The following PSMD1 variants were observed in gnomAD, a reference collection of about 807,000 sequenced individuals.
PSMD1 encodes the protein 26S proteasome non-ATPase regulatory subunit 1.
Under a neutral mutation model 119.0 loss-of-function variants are expected in PSMD1, and 18 were observed. The ratio of observed to expected loss-of-function variants is 0.15; its 90% confidence interval spans 0.10 to 0.22. The LOEUF (loss-of-function observed/expected upper bound fraction) is 0.22. Ranked by LOEUF, PSMD1 falls within the 10% of genes least tolerant of loss-of-function variation. The probability of loss-of-function intolerance (pLI) is 1.00; values close to 1 mark genes in which losing one functional copy is unlikely to be tolerated. For synonymous variants in PSMD1, 374 were observed against 396.6 expected, an observed-to-expected ratio of 0.94 and a Z score of 0.68; for missense variants, 702 against 1,158.5, an observed-to-expected ratio of 0.61 and a Z score of 5.72.
In PSMD1 at chr2:231,165,931, T is replaced by C. The variant is rs753032943; in HGVS notation, c.2629T>C (p.Leu877=). Residue 877 remains leucine (L), a synonymous_variant, in exon 23 of 25, where the codon TTA becomes CTA. Transcript: ENST00000308696. ...AAAAGAACCTGAGCCAAACTTCCAGTTATTGGATAACCCAGCCCGAGTTAT... is the reference window on the plus strand; with the variant it reads ...AAAAGAACCTGAGCCAAACTTCCAGCTATTGGATAACCCAGCCCGAGTTAT... ...KKKEPEPNFQ[L]LDNPARVMPA... 5.0e-6 allele frequency: 8 copies of C among 1,613,910 alleles called. No homozygotes were observed. The South Asian group carries it at 8.8e-5, about 18-fold the overall frequency.
At chr2:231,072,135 C>T (rs1457305243) in intron 6 of PSMD1, 54 bp from the exon 7 acceptor site, 5 of 1,441,692 alleles carry the variant, frequency 3.5e-6, no homozygotes, top group Admixed American at 3.5e-5. Context: ...TCCTTAAGTA[C>T]CTTGTAGATG....
chr2:231,122,056 A>G (rs932036863), intron 16 of PSMD1, among the ~76,000 whole-genome samples: 2 of 152,158 alleles, frequency 1.3e-5, no homozygotes. Flanking sequence ...TCTCTATTAT[A>G]GTAAGATTTC....
intron 16 of PSMD1, among the ~76,000 whole-genome samples, chr2:231,095,705 T>A (rs1026224274): frequency 6.6e-6 from 1 of 152,198 alleles, no homozygotes; most frequent in Non-Finnish European, 1.5e-5. Context: ...AGGGGAATAG[T>A]ATAAAAGCGG....
chr2:231,142,621 T>C (rs1183065823), intron 17 of PSMD1, among the ~76,000 whole-genome samples: 2 of 152,170 alleles, frequency 1.3e-5, no homozygotes, highest in African/African-American at 4.8e-5. Flanking sequence ...ATGTAACTAG[T>C]TTGGGACTTT....
intron 16 of PSMD1, among the ~76,000 whole-genome samples, chr2:231,111,965 A>G (rs562081370): frequency 1.0e-3 from 157 of 152,294 alleles, no homozygotes; most frequent in Non-Finnish European, 1.7e-3. Context: ...TAAACACTCA[A>G]TAAAAATGTG....
intron 1 of PSMD1, among the ~76,000 whole-genome samples, chr2:231,057,646 A>C (rs1459548162): frequency 6.6e-6 from 1 of 152,250 alleles, no homozygotes; most frequent in Non-Finnish European, 1.5e-5. Flanking sequence ...CTTTATACTG[A>C]GAGCCTACTT....
chr2:231,061,329 G>A lies in PSMD1; in HGVS notation c.60+19G>A. The A allele has an allele frequency of 6.4e-7, 1 of 1,560,492 alleles. No homozygotes were observed. Among genetic ancestry groups the A allele is most frequent in the South Asian group, 1.1e-5 (1 of 87,912 alleles). ...GCTTAAGGTATGAATTGAAGAATAA[G>A]TAACTAGGCTTAGTGTGAATACTGT... On this transcript the variant is annotated intron_variant, in intron 2 of 24. Coordinates refer to ENST00000308696, the MANE Select transcript of PSMD1 (RefSeq NM_002807.4).
intron 16 of PSMD1, among the ~76,000 whole-genome samples, chr2:231,095,765 G>C (rs1694709201): frequency 6.6e-6 from 1 of 152,226 alleles, no homozygotes; most frequent in Non-Finnish European, 1.5e-5. Flanking sequence ...ATCGCTGCGG[G>C]GGAAGGGAGG....
In PSMD1 at chr2:231,131,529, G is replaced by A. The variant is rs1287975666; in HGVS notation, c.1884-7207G>A. On this transcript the variant is annotated intron_variant, in intron 16 of 24. Coordinates refer to ENST00000308696, the MANE Select transcript of PSMD1 (RefSeq NM_002807.4). ...TGTAATCCCAGCACTTTGGGAGGCC[G>A]AGGCGGGCGGATCACGAGGTCAGGA... Among the ~76,000 whole-genome samples, 33 of 104,636 alleles carry A rather than the reference G, an allele frequency of 3.2e-4. 6 individuals are homozygous for A. The highest frequency in any genetic ancestry group is 2.2e-3 in the Admixed American group (27 of 12,510). The allele number at this position is 104,636 out of a possible 152,430, so 68.6% of individuals were successfully genotyped here.
intron 16 of PSMD1, chr2:231,123,534 C>T (rs1451178884): frequency 1.2e-6 from 2 of 1,613,994 alleles, no homozygotes; most frequent in Admixed American, 3.3e-5. Flanking sequence ...GTGAAACAGC[C>T]AGAATAACAA....
At chr2:231,102,262 C>T (rs533242358) in intron 16 of PSMD1, among the ~76,000 whole-genome samples, 1 of 152,164 alleles carries the variant, frequency 6.6e-6, no homozygotes, top group African/African-American at 2.4e-5. Flanking sequence ...CTGCTATACT[C>T]TCTTTATTGT....
chr2:231,116,454 A>C (rs1312011948), intron 16 of PSMD1, among the ~76,000 whole-genome samples: 1 of 152,088 alleles, frequency 6.6e-6, no homozygotes, highest in South Asian at 2.1e-4. Context: ...ATAGTTTGCC[A>C]ACTATTTAAA....
intron 16 of PSMD1, among the ~76,000 whole-genome samples, chr2:231,103,106 T>C (rs1694907331): frequency 6.6e-6 from 1 of 152,226 alleles, no homozygotes; most frequent in African/African-American, 2.4e-5. Flanking sequence ...CAGAGTCTTC[T>C]CCATAATATC....
At chr2:231,126,632 G>C (rs1695726698) in intron 16 of PSMD1, among the ~76,000 whole-genome samples, 1 of 151,896 alleles carries the variant, frequency 6.6e-6, no homozygotes, top group African/African-American at 2.4e-5. Context: ...TTTGTTTATA[G>C]ATAAAATTTT....
Position 231,078,757 on chromosome 2 carries a change from C to A in PSMD1, c.1160+10C>A. 1.8e-6 allele frequency: 2 copies of A among 1,134,604 alleles called. No individual in the cohort carries two copies. Among genetic ancestry groups the A allele is most frequent in the South Asian group, 1.7e-5 (1 of 59,526 alleles). 70.3% of individuals were successfully genotyped at this position (1,134,604 alleles called of 1,614,324 possible). A position where few individuals can be genotyped will look rare whatever the true frequency, so the allele number is the denominator to read the frequency against. ...GTGACCAGTTTCTTAGGTAAATATG[C>A]TTGTTGATTTTCACTTTGGTTCAAA... On this transcript the variant is annotated intron_variant, in intron 10 of 24. Coordinates refer to ENST00000308696, the MANE Select transcript of PSMD1 (RefSeq NM_002807.4).
At chr2:231,134,346 A>T (rs1366736455) in intron 16 of PSMD1, among the ~76,000 whole-genome samples, 1 of 152,208 alleles carries the variant, frequency 6.6e-6, no homozygotes, top group Non-Finnish European at 1.5e-5. Flanking sequence ...TCCAAAAAAG[A>T]TTTAGAACCG....
In PSMD1 at chr2:231,171,000, T is replaced by C. The variant is rs1206484259; in HGVS notation, c.*9+279T>C. 6.6e-6 allele frequency among the ~76,000 whole-genome samples: 1 copy of C among 152,248 alleles called. No individual in the cohort carries two copies. Among genetic ancestry groups the C allele is most frequent in the African/African-American group, 2.4e-5 (1 of 41,466 alleles). The stretch of plus-strand genomic sequence containing the variant: ...AGGAGATAGGAAGCTTACTCCAGAA[T>C]CTGTCTGCTCAACGCTTCTTTCATC... On this transcript the variant is annotated intron_variant, in intron 24 of 24. Transcript: ENST00000308696. The surrounding 1 kb of genome is among the most constrained non-coding windows in gnomAD (Gnocchi z 4.1).
chr2:231,118,307 CA>C (rs1695413884), intron 16 of PSMD1, among the ~76,000 whole-genome samples: 1 of 152,110 alleles, frequency 6.6e-6, no homozygotes, highest in African/African-American at 2.4e-5. Context: ...TACATAGAAA[CA>C]AGCCAAATCA....
At chr2:231,134,032 G>C (rs890225347) in intron 16 of PSMD1, among the ~76,000 whole-genome samples, 1 of 152,038 alleles carries the variant, frequency 6.6e-6, no homozygotes, top group African/African-American at 2.4e-5. Flanking sequence ...AGCTTATTTT[G>C]GTGTGCGTTT....
Sources: gnomAD v4.1 joint callset for allele counts (sites outside exome capture counted in the v4.1 genomes callset) on GRCh38, gnomAD v4.1.1 for gene constraint, Gnocchi (gnomAD v3.1) non-coding constraint, MANE v1.5 for transcripts, NCBI Gene and HGNC (gene_info 2026-07-23, HGNC 2026-07-21) for gene names.